RELCH: variants seen among roughly 807,000 people sequenced by gnomAD.
RELCH encodes RAB11 binding and LisH domain, coiled-coil and HEAT repeat containing.
In RELCH, 41 loss-of-function variants were observed where a neutral mutation model predicts 150.3. The observed-to-expected ratio is 0.27, with a 90% CI of 0.21 to 0.35. The LOEUF is 0.35. Ranked by LOEUF, RELCH falls within the 10% of genes least tolerant of loss-of-function variation. The pLI is 1.00. For synonymous variants in RELCH, 478 were observed against 531.8 expected, an observed-to-expected ratio of 0.90 and a Z score of 1.39; for missense variants, 1,092 against 1,467.8, an observed-to-expected ratio of 0.74 and a Z score of 4.18.
rs144774162 is a variant in RELCH at position 62,220,065 on chromosome 18, C to G, written c.617-972C>G. Among the ~76,000 whole-genome samples the G allele has an allele frequency of 2.1e-3, 317 of 152,146 alleles. 4 individuals are homozygous for G. Among genetic ancestry groups the G allele is most frequent in the African/African-American group, 7.4e-3 (307 of 41,554 alleles). On this transcript the variant is annotated intron_variant, in intron 2 of 28. Transcript: ENST00000644646. ...CTCAGAAATATATTTTTTCTCAAGT[C>G]TAACATTTTAAAGAGCTTATTAAAA...
chr18:62,298,809 T>C lies in RELCH; in HGVS notation c.3479T>C (p.Ile1160Thr). 1.3e-6 allele frequency: 2 copies of C among 1,576,306 alleles called. No individual in the cohort carries two copies. ...PEHEVILSSM[I>T]KECEQKVENK... Reference sequence around the variant, plus strand: ...AATCAGGTTATTTTAAGTTCCATGATAAAAGAATGTGAACAAAAAGTTGAA... The same window carrying C: ...AATCAGGTTATTTTAAGTTCCATGACAAAAGAATGTGAACAAAAAGTTGAA... The change falls in exon 28 of 29, where the codon ATA becomes ACA. Residue 1160 changes from isoleucine to threonine, a missense_variant. This residue lies in a region of RELCH where 707 missense variants were observed against 1,025.4 expected (regional missense o/e 0.69). Coordinates refer to ENST00000644646, the MANE Select transcript of RELCH (RefSeq NM_001346231.2).
intron 2 of RELCH, among the ~76,000 whole-genome samples, chr18:62,213,729 CAAAAAAAAAAAA>C (rs5825484): frequency 1.2e-5 from 1 of 80,474 alleles, no homozygotes; most frequent in Non-Finnish European, 2.3e-5. Flanking sequence ...GACTCAGTCT[CAAAAAAAAAAAA>C]AAAAAAAAAG....
intron 28 of RELCH, among the ~76,000 whole-genome samples, chr18:62,302,475 C>T (rs538795385): frequency 1.3e-5 from 2 of 152,100 alleles, no homozygotes; most frequent in East Asian, 3.9e-4. Context: ...AAATAGAAGG[C>T]AAACCAGAAT....
intron 1 of RELCH, among the ~76,000 whole-genome samples, chr18:62,209,351 A>G (rs537399737): frequency 6.6e-6 from 1 of 152,246 alleles, no homozygotes; most frequent in East Asian, 1.9e-4. Context: ...CTTTTTTTAC[A>G]TGTAGATATA....
At chr18:62,258,305 A>G (rs992586390) in intron 14 of RELCH, among the ~76,000 whole-genome samples, 8 of 151,938 alleles carry the variant, frequency 5.3e-5, no homozygotes, top group Admixed American at 4.6e-4. Context: ...TCTGGCAGGA[A>G]ATTGGCAAGA....
Position 62,228,567 on chromosome 18 carries a change from A to G in RELCH, c.1417A>G (p.Lys473Glu), listed in dbSNP as rs759678427. The change falls in exon 8 of 29, where the codon AAA becomes GAA. Residue 473 changes from lysine (K) to glutamate (E), a missense_variant. By Grantham distance (56) the Lys-to-Glu change is moderately conservative. This residue lies in a region of RELCH where 707 missense variants were observed against 1,025.4 expected (regional missense o/e 0.69). Coordinates refer to ENST00000644646, the MANE Select transcript of RELCH (RefSeq NM_001346231.2). ...EGMPPSSLSS[K>E]KTVHFDKPNR... ...AATGCCACCTTCTTCTCTATCAAGT[A>G]AAAAGACAGTTCATTTTGATAAACC... The G allele has an allele frequency of 1.2e-6, 2 of 1,611,778 alleles. No individual in the cohort carries two copies. Among genetic ancestry groups the G allele is most frequent in the Non-Finnish European group, 8.5e-7 (1 of 1,178,940 alleles).
chr18:62,241,105 C>G (rs186021346), intron 10 of RELCH, among the ~76,000 whole-genome samples: 39 of 152,268 alleles, frequency 2.6e-4, no homozygotes, highest in Admixed American at 8.5e-4. Context: ...CAGTACTGCA[C>G]AAAGCCCTCT....
At chr18:62,269,270 G>A in intron 20 of RELCH, 1 of 256,768 alleles carries the variant, frequency 3.9e-6, no homozygotes. Flanking sequence ...TACGTTAGGT[G>A]AACTAAGCTA....
At position 62,305,668 on chromosome 18, in the gene RELCH, A is replaced by G; in HGVS notation, c.*134A>G. On this transcript the variant is annotated 3_prime_UTR_variant, in exon 29 of 29. Transcript: ENST00000644646. The surrounding 1 kb of genome is among the most constrained non-coding windows in gnomAD (Gnocchi z 4.0). Reference sequence around the variant, plus strand: ...TATAATTTTATCCTAACCTCCAAAGATATTTGCACTGCTTTTAATTACTGC... The same window carrying G: ...TATAATTTTATCCTAACCTCCAAAGGTATTTGCACTGCTTTTAATTACTGC... 1.1e-6 allele frequency: 1 copy of G among 891,312 alleles called. No homozygotes were observed. Among genetic ancestry groups the G allele is most frequent in the Non-Finnish European group, 1.6e-6 (1 of 614,102 alleles). The allele number at this position is 891,312 out of a possible 1,614,324, so 55.2% of individuals were successfully genotyped here. A position where few individuals can be genotyped will look rare whatever the true frequency, so the allele number is the denominator to read the frequency against.
At chr18:62,241,126 G>C (rs1292891590) in intron 10 of RELCH, among the ~76,000 whole-genome samples, 2 of 152,104 alleles carry the variant, frequency 1.3e-5, no homozygotes, top group African/African-American at 4.8e-5. Context: ...TCAGCACACA[G>C]CATGAGCACC....
At position 62,264,778 on chromosome 18, in the gene RELCH, G is replaced by A. The variant is rs2043459752; in HGVS notation, c.2557G>A (p.Ala853Thr). 1.2e-6 allele frequency: 2 copies of A among 1,607,180 alleles called. No individual in the cohort carries two copies. Among genetic ancestry groups the A allele is most frequent in the East Asian group, 4.5e-5 (2 of 44,740 alleles). Residue 853 changes from alanine to threonine, a missense_variant, in exon 18 of 29, where the codon GCC (alanine) becomes ACC (threonine). Ala to Thr is a moderately conservative substitution (Grantham distance 58). Around this residue, in one of 4 missense-constraint regions of RELCH, gnomAD observed 707 missense variants for 1,025.4 expected, o/e 0.69. Coordinates refer to ENST00000644646, the MANE Select transcript of RELCH (RefSeq NM_001346231.2). ...IVGKINVTST[A>T]CVHEFSRFFW... ...TGGCAAAATTAATGTTACTTCAACT[G>A]CCTGTGTCCATGAATTCTCCAGATT... is the stretch of plus-strand genomic sequence containing the variant.
At chr18:62,281,312 A>G (rs181924395) in intron 24 of RELCH, among the ~76,000 whole-genome samples, 1 of 152,366 alleles carries the variant, frequency 6.6e-6, no homozygotes, top group Admixed American at 6.5e-5. Flanking sequence ...TAACATCATT[A>G]GGAACACAAA....
chr18:62,212,175 G>A (rs1484844615), intron 2 of RELCH, among the ~76,000 whole-genome samples: 1 of 152,160 alleles, frequency 6.6e-6, no homozygotes, highest in East Asian at 1.9e-4. Flanking sequence ...ATTTGCTAGG[G>A]GTCCACTTTG....
rs934868523 is a variant in RELCH, at chr18:62,307,458, GT to G, written c.*1931del. The G allele has an allele frequency of 6.6e-6, 1 of 151,994 alleles. No individual in the cohort carries two copies. Among genetic ancestry groups the G allele is most frequent in the African/African-American group, 2.4e-5 (1 of 41,416 alleles). The allele number at this position is 151,994 out of a possible 1,614,324, so 9.4% of individuals were successfully genotyped here. On this transcript the variant is annotated 3_prime_UTR_variant, in exon 29 of 29. Transcript: ENST00000644646. ...TGAATATATTTATTTAAGTGCTAAT[GT>G]TTTTTTAAAGGCAATAGTAGGCAAG...
At chr18:62,232,196 T>C (rs993436720) in intron 9 of RELCH, 136 bp from the exon 10 acceptor site, 2 of 593,062 alleles carry the variant, frequency 3.4e-6, no homozygotes, top group Non-Finnish European at 6.1e-6. Flanking sequence ...GTTGTTGTTG[T>C]TGTTGTTATC....
At chr18:62,248,177 A>G (rs1020389835) in intron 11 of RELCH, among the ~76,000 whole-genome samples, 1 of 152,236 alleles carries the variant, frequency 6.6e-6, no homozygotes, top group Non-Finnish European at 1.5e-5. Flanking sequence ...GCTCCTGTAT[A>G]TACATGTTTA....
intron 10 of RELCH, among the ~76,000 whole-genome samples, chr18:62,234,510 A>G (rs1266541387): frequency 1.3e-5 from 2 of 151,924 alleles, no homozygotes; most frequent in African/African-American, 2.4e-5. Flanking sequence ...TTCTCTTGTC[A>G]GCAAAAGCCT....
chr18:62,195,448 A>T (rs1195300462), intron 1 of RELCH, among the ~76,000 whole-genome samples: 1 of 152,158 alleles, frequency 6.6e-6, no homozygotes, highest in Non-Finnish European at 1.5e-5. Flanking sequence ...AGCAAGAGTA[A>T]TGCTTTTTCT....
chr18:62,282,947 C>T (rs1366850343), intron 25 of RELCH, among the ~76,000 whole-genome samples: 4 of 152,118 alleles, frequency 2.6e-5, no homozygotes, highest in African/African-American at 7.2e-5. Context: ...CGTGAACCAC[C>T]GCACCCGCCC....
Sources: gnomAD v4.1 joint callset for allele counts (sites outside exome capture counted in the v4.1 genomes callset) on GRCh38, gnomAD v4.1.1 for gene constraint, gnomAD v4.1.1 regional missense constraint, Gnocchi (gnomAD v3.1) non-coding constraint, MANE v1.5 for transcripts, NCBI Gene and HGNC (gene_info 2026-07-23, HGNC 2026-07-21) for gene names.